The following TRIM62 variants were observed in gnomAD, a reference collection of about 807,000 sequenced individuals.
TRIM62 encodes the protein tripartite motif containing 62, also known as E3 ubiquitin-protein ligase TRIM62.
TRIM62 carries 39 observed loss-of-function variants against 44.2 expected under a neutral mutation model. That is an observed-to-expected ratio of 0.88 (90% confidence interval 0.68 to 1.15). TRIM62 has a LOEUF of 1.15. Ranked by LOEUF, TRIM62 falls within the 50% of genes most tolerant of loss-of-function variation. The pLI is 0.00. For missense variants in TRIM62, 544 were observed against 665.5 expected (o/e 0.82, Z 2.01); for synonymous variants, 278 against 292.3 (o/e 0.95, Z 0.50).
intron 1 of TRIM62, chr1:33,176,375 C>T: frequency 1.5e-6 from 1 of 679,802 alleles, no homozygotes; most frequent in Admixed American, 2.0e-5. Flanking sequence ...GGGTGGCTGC[C>T]TTGGTGTCAC....
chr1:33,156,350 C>T (rs967867693), intron 4 of TRIM62, among the ~76,000 whole-genome samples: 8 of 152,236 alleles, frequency 5.3e-5, no homozygotes, highest in Non-Finnish European at 1.2e-4. Context: ...TACTGCTCCA[C>T]CCAACCAGCT....
intron 4 of TRIM62, among the ~76,000 whole-genome samples, chr1:33,155,093 AAAAG>A (rs1645159465): frequency 1.4e-5 from 2 of 141,276 alleles, no homozygotes; most frequent in African/African-American, 5.1e-5. Flanking sequence ...ACTCCATCTC[AAAAG>A]GTCTCGCTCT....
intron 1 of TRIM62, among the ~76,000 whole-genome samples, chr1:33,174,920 C>T (rs187701627): frequency 0.017 from 2,226 of 131,070 alleles, 60 homozygotes; most frequent in African/African-American, 0.062. Context: ...TATATATATA[C>T]ACACACACAC....
rs768597712 is a variant in TRIM62 at position 33,165,452 on chromosome 1, G to A, written c.504+19C>T. ...CCTCATCTCTGCCGGCCCCACCTCCGCGCCCCGGCCAGGCTCACCTTGGTC... is the reference window on the plus strand; with the variant it reads ...CCTCATCTCTGCCGGCCCCACCTCCACGCCCCGGCCAGGCTCACCTTGGTC... On this transcript the variant is annotated intron_variant, in intron 2 of 4. Coordinates refer to ENST00000291416, the MANE Select transcript of TRIM62 (RefSeq NM_018207.3). This position sits in a 1 kb window ranked among gnomAD's most constrained non-coding sequence, Gnocchi z 4.0. 6.4e-6 allele frequency: 10 copies of A among 1,567,486 alleles called. No individual in the cohort carries two copies. The highest frequency in any genetic ancestry group is 2.7e-5 in the African/African-American group (2 of 73,556).
intron 1 of TRIM62, among the ~76,000 whole-genome samples, chr1:33,179,928 ATATAC>A (rs1645447521): frequency 1.3e-5 from 2 of 152,256 alleles, no homozygotes; most frequent in Non-Finnish European, 2.9e-5. Flanking sequence ...GGTATAAAAA[ATATAC>A]TATATTTCCC....
intron 2 of TRIM62, among the ~76,000 whole-genome samples, chr1:33,162,484 C>T (rs1375621881): frequency 1.3e-5 from 2 of 152,216 alleles, no homozygotes; most frequent in Admixed American, 6.5e-5. Context: ...AGTAAGTGGG[C>T]CCCTGCTGGG....
intron 4 of TRIM62, among the ~76,000 whole-genome samples, chr1:33,149,909 G>A (rs1388918530): frequency 1.3e-5 from 2 of 152,188 alleles, no homozygotes; most frequent in African/African-American, 2.4e-5. Flanking sequence ...CCAGCCCAGG[G>A]CCTGGCTTGT....
Position 33,165,835 on chromosome 1 carries a change from TAC to T in TRIM62, c.409-271_409-270del, listed in dbSNP as rs1376788995. 9.9e-6 allele frequency: 3 copies of T among 302,782 alleles called. No homozygotes were observed. Among genetic ancestry groups the T allele is most frequent in the African/African-American group, 2.2e-5 (1 of 46,246 alleles). The allele number at this position is 302,782 out of a possible 1,614,324, so 18.8% of individuals were successfully genotyped here. ...GCTTCTGTGACAATCGACTTCCACA[TAC>T]ACACTCTCTGGCTCCCCACACTTGG... is the stretch of plus-strand genomic sequence containing the variant. On this transcript the variant is annotated intron_variant, in intron 1 of 4. Coordinates refer to ENST00000291416, the MANE Select transcript of TRIM62 (RefSeq NM_018207.3). This position sits in a 1 kb window ranked among gnomAD's most constrained non-coding sequence, Gnocchi z 4.0.
Position 33,159,647 on chromosome 1 carries a change from G to A in TRIM62, c.761+41C>T. 6.3e-7 allele frequency: 1 copy of A among 1,580,300 alleles called. No homozygotes were observed. Among genetic ancestry groups the A allele is most frequent in the Non-Finnish European group, 8.6e-7 (1 of 1,164,068 alleles). ...CCACTGCCCAGCATGGGTCGAGGAG[G>A]GGATGGTCAGCCGGGGAGGGCCCCG... On this transcript the variant is annotated intron_variant, in intron 3 of 4. Transcript: ENST00000291416. The surrounding 1 kb of genome is among the most constrained non-coding windows in gnomAD (Gnocchi z 4.2).
At position 33,147,046 on chromosome 1, in the gene TRIM62, G is replaced by T; in HGVS notation, c.*131C>A. On this transcript the variant is annotated 3_prime_UTR_variant, in exon 5 of 5. Coordinates refer to ENST00000291416, the MANE Select transcript of TRIM62 (RefSeq NM_018207.3). The surrounding 1 kb of genome is among the most constrained non-coding windows in gnomAD (Gnocchi z 8.1). ...GCAACCTCCATTTTACAGACTGGAGGCTGGAGGGTAAACAACTGGCCTGAG... is the reference window on the plus strand; with the variant it reads ...GCAACCTCCATTTTACAGACTGGAGTCTGGAGGGTAAACAACTGGCCTGAG... 1 of 908,712 alleles carries T rather than the reference G, an allele frequency of 1.1e-6. No homozygotes were observed. The highest frequency in any genetic ancestry group is 1.7e-6 in the Non-Finnish European group (1 of 595,102). 56.3% of individuals were successfully genotyped at this position (908,712 alleles called of 1,614,324 possible).
At chr1:33,176,304 C>T (rs914090931) in intron 1 of TRIM62, 29 of 587,712 alleles carry the variant, frequency 4.9e-5, no homozygotes, top group Non-Finnish European at 8.0e-5. Context: ...GGGTGTCACC[C>T]CCTCTCCTGG....
rs1419119308 is a variant in TRIM62, at chr1:33,159,002, G to A, written c.762-634C>T. On this transcript the variant is annotated intron_variant, in intron 3 of 4. Transcript: ENST00000291416. The surrounding 1 kb of genome is among the most constrained non-coding windows in gnomAD (Gnocchi z 4.2). ...ACTACAGGTGCCTGCCACCACGCCC[G>A]GCTAATTTTTGTATTTTTTTTTAGT... is the stretch of plus-strand genomic sequence containing the variant. Among the ~76,000 whole-genome samples the A allele has an allele frequency of 1.3e-5, 2 of 151,914 alleles. No individual in the cohort carries two copies. The highest frequency in any genetic ancestry group is 2.9e-5 in the Non-Finnish European group (2 of 67,988).
chr1:33,176,378 G>T (rs932896139), intron 1 of TRIM62: 2 of 680,832 alleles, frequency 2.9e-6, no homozygotes, highest in Middle Eastern at 2.3e-4. Context: ...TGGCTGCCTT[G>T]GTGTCACTGG....
chr1:33,148,925 C>T (rs1012735151), intron 4 of TRIM62, among the ~76,000 whole-genome samples: 1 of 152,174 alleles, frequency 6.6e-6, no homozygotes, highest in Non-Finnish European at 1.5e-5. Context: ...TAACCAAGGT[C>T]GTCTGCAATC....
chr1:33,148,866 G>A (rs1645055866), intron 4 of TRIM62, among the ~76,000 whole-genome samples: 1 of 152,204 alleles, frequency 6.6e-6, no homozygotes, highest in Non-Finnish European at 1.5e-5. Context: ...ACCCAGAGGG[G>A]AGACATGACA....
chr1:33,180,954 GACCCCACCCCCCGCCC>G, intron 1 of TRIM62, 55 bp downstream of exon 1: 5 of 883,060 alleles, frequency 5.7e-6, no homozygotes, highest in South Asian at 1.5e-5. Flanking sequence ...GTCCAGCCCT[GACCCCACCCCCCGCCC>G]GGCCCCACCT....
At position 33,158,266 on chromosome 1, in the gene TRIM62, C is replaced by G. The variant is rs751045355; in HGVS notation, c.864G>C (p.Gln288His). The change falls in exon 4 of 5, where the codon CAG becomes CAC. Residue 288 changes from glutamine (Q) to histidine (H), a missense_variant. By Grantham distance (24) the Gln-to-His change is conservative. Coordinates refer to ENST00000291416, the MANE Select transcript of TRIM62 (RefSeq NM_018207.3). ...CCCATGCCTTACCTGGGTGGATGTC[C>G]TGGAACAGGGACTTCCAGATGGTGT... ...LQYTIWKSLF[Q>H]DIHPVPAALT... is the part of the protein sequence containing the mutation. 1 of 1,613,860 alleles carries G rather than the reference C, an allele frequency of 6.2e-7. No individual in the cohort carries two copies. Among genetic ancestry groups the G allele is most frequent in the Non-Finnish European group, 8.5e-7 (1 of 1,179,892 alleles).
intron 2 of TRIM62, among the ~76,000 whole-genome samples, chr1:33,162,356 C>T (rs1645279668): frequency 6.6e-6 from 1 of 152,226 alleles, no homozygotes; most frequent in South Asian, 2.1e-4. Context: ...CCTGCAAGAC[C>T]TAGCTTGAAA....
At chr1:33,154,938 A>C (rs1199605379) in intron 4 of TRIM62, among the ~76,000 whole-genome samples, 4 of 149,532 alleles carry the variant, frequency 2.7e-5, no homozygotes, top group Non-Finnish European at 5.9e-5. Flanking sequence ...CTAAAAATAC[A>C]AAAAATTAGC....
Sources: gnomAD v4.1 joint callset for allele counts (sites outside exome capture counted in the v4.1 genomes callset) on GRCh38, gnomAD v4.1.1 for gene constraint, Gnocchi (gnomAD v3.1) non-coding constraint, MANE v1.5 for transcripts, NCBI Gene and HGNC (gene_info 2026-07-23, HGNC 2026-07-21) for gene names.